ARHGEF28: variants seen among roughly 807,000 people sequenced by gnomAD.
ARHGEF28 encodes 190 kDa guanine nucleotide exchange factor.
A neutral mutation model predicts 206.6 loss-of-function variants in ARHGEF28; 152 were observed. That is an observed-to-expected ratio of 0.74 (90% CI 0.64 to 0.84). ARHGEF28 has a LOEUF of 0.84. Among genes scored for constraint, ARHGEF28 ranks in the 40% least tolerant of loss-of-function variants. The pLI, the probability that ARHGEF28 is intolerant of heterozygous loss-of-function variation, is 0.00. For synonymous variants in ARHGEF28, 763 were observed against 776.4 expected (o/e 0.98, Z 0.29); for missense variants, 2,028 against 2,073.2 (o/e 0.98, Z 0.42).
At position 73,925,643 on chromosome 5, in the gene ARHGEF28, C is replaced by T. The variant is rs148202240; in HGVS notation, c.4948+14068C>T. On this transcript the variant is annotated intron_variant, in intron 35 of 35. Transcript: ENST00000513042. Reference sequence around the variant, plus strand: ...AGTCAACCCCTCCCCTTCAAAGCAGCGACTCCTCTGCAATCCATCACCATG... The same window carrying T: ...AGTCAACCCCTCCCCTTCAAAGCAGTGACTCCTCTGCAATCCATCACCATG... Among the ~76,000 whole-genome samples the T allele has an allele frequency of 6.2e-4, 95 of 152,260 alleles. 2 individuals carry two copies. The East Asian group carries it at 0.012, about 19-fold the overall frequency.
At chr5:73,654,146 G>A (rs1745021725) in intron 1 of ARHGEF28, among the ~76,000 whole-genome samples, 1 of 152,186 alleles carries the variant, frequency 6.6e-6, no homozygotes, top group Non-Finnish European at 1.5e-5. Flanking sequence ...CACTGGGGCA[G>A]GGAGAGGGAC....
At chr5:73,787,673 C>T (rs971863512) in intron 7 of ARHGEF28, among the ~76,000 whole-genome samples, 13 of 152,126 alleles carry the variant, frequency 8.5e-5, no homozygotes, top group Admixed American at 7.9e-4. Context: ...ATGATGGTTT[C>T]CAGCTTCATC....
chr5:73,870,843 C>T (rs1236405988), intron 21 of ARHGEF28, among the ~76,000 whole-genome samples: 2 of 152,166 alleles, frequency 1.3e-5, no homozygotes, highest in African/African-American at 4.8e-5. Flanking sequence ...AAAATTTCAA[C>T]TACAAAGTAG....
chr5:73,734,589 C>A (rs60624491), intron 2 of ARHGEF28, among the ~76,000 whole-genome samples: 53,010 of 151,856 alleles, frequency 0.35, 10,772 homozygotes, highest in African/African-American at 0.57. Context: ...TTCTCTGTGC[C>A]CTCATAAGCT....
At chr5:73,800,474 T>C (rs539762395) in intron 9 of ARHGEF28, among the ~76,000 whole-genome samples, 11 of 152,268 alleles carry the variant, frequency 7.2e-5, no homozygotes, top group Non-Finnish European at 1.6e-4. Context: ...CAGCTATTCT[T>C]TAATACTTCG....
At chr5:73,776,486 C>T (rs773761681) in intron 5 of ARHGEF28, 30 bp from the exon 6 acceptor site, 1 of 1,589,300 alleles carries the variant, frequency 6.3e-7, no homozygotes, top group Admixed American at 1.7e-5. Context: ...CTTTGAAGCT[C>T]TGTGTGGGTT....
chr5:73,779,238 G>T (rs531347786), intron 6 of ARHGEF28, among the ~76,000 whole-genome samples: 4 of 152,274 alleles, frequency 2.6e-5, no homozygotes, highest in African/African-American at 7.2e-5. Context: ...TGTAAAGACA[G>T]AATATTAGGA....
Position 73,864,820 on chromosome 5 carries a change from G to A in ARHGEF28, c.2051G>A (p.Cys684Tyr), listed in dbSNP as rs2112626260. 1.9e-6 allele frequency: 3 copies of A among 1,612,476 alleles called. No homozygotes were observed. In the East Asian group the frequency reaches 6.7e-5, roughly 36 times the overall value. Residue 684 changes from cysteine to tyrosine, a missense_variant, in exon 17 of 36, where the codon TGT becomes TAT. By Grantham distance (194) the Cys-to-Tyr change is radical. Coordinates refer to ENST00000513042, the MANE Select transcript of ARHGEF28 (RefSeq NM_001177693.2). ...LGKESLQCSN[C>Y]NANVHKGCKD... Reference sequence around the variant, plus strand: ...GTATCTTTTCCCTTTATTTCAGACTGTAATGCAAATGTGCACAAAGGTTGT... The same window carrying A: ...GTATCTTTTCCCTTTATTTCAGACTATAATGCAAATGTGCACAAAGGTTGT...
intron 1 of ARHGEF28, among the ~76,000 whole-genome samples, chr5:73,657,122 G>A (rs1352967213): frequency 1.4e-5 from 2 of 145,072 alleles, no homozygotes; most frequent in Non-Finnish European, 3.0e-5. Flanking sequence ...GCAGTGAGCC[G>A]AGATTGCGCC....
intron 16 of ARHGEF28, among the ~76,000 whole-genome samples, chr5:73,863,797 G>A (rs1759541739): frequency 6.6e-6 from 1 of 151,968 alleles, no homozygotes; most frequent in South Asian, 2.1e-4. Flanking sequence ...TCTGCAATGA[G>A]GAGAGGGCTG....
At position 73,909,864 on chromosome 5, in the gene ARHGEF28, C is replaced by T; in HGVS notation, c.4614C>T (p.Ser1538=). Residue 1538 remains serine, a synonymous_variant, in exon 34 of 36, where the codon AGC becomes AGT. Transcript: ENST00000513042. The part of the protein sequence containing the change: ...LGHWKHGRQR[S]LPAVLLPGGP... Reference sequence around the variant, plus strand: ...ACTGGAAGCACGGCCGGCAGAGGAGCCTGCCCGCGGTGCTCCTTCCGGGTG... The same window carrying T: ...ACTGGAAGCACGGCCGGCAGAGGAGTCTGCCCGCGGTGCTCCTTCCGGGTG... 1.3e-6 allele frequency: 2 copies of T among 1,531,838 alleles called. No homozygotes were observed. Among genetic ancestry groups the T allele is most frequent in the South Asian group, 1.3e-5 (1 of 78,686 alleles). The allele number at this position is 1,531,838 out of a possible 1,614,324, so 94.9% of individuals were successfully genotyped here. A position where few individuals can be genotyped will look rare whatever the true frequency, so the allele number is the denominator to read the frequency against.
chr5:73,737,302 C>T (rs1751004101), intron 2 of ARHGEF28, among the ~76,000 whole-genome samples: 1 of 151,604 alleles, frequency 6.6e-6, no homozygotes, highest in Non-Finnish European at 1.5e-5. Flanking sequence ...TATTTATTTT[C>T]CATCTTTCTC....
chr5:73,771,473 G>A (rs1401904318), intron 4 of ARHGEF28, among the ~76,000 whole-genome samples: 1 of 152,010 alleles, frequency 6.6e-6, no homozygotes, highest in Admixed American at 6.5e-5. Flanking sequence ...ACTTGAAACT[G>A]GGAGGCAGAG....
chr5:73,770,739 C>G (rs569019418), intron 4 of ARHGEF28, among the ~76,000 whole-genome samples: 4 of 152,346 alleles, frequency 2.6e-5, no homozygotes, highest in African/African-American at 7.2e-5. Flanking sequence ...CTCTCTCTTA[C>G]AACATTTTGG....
rs544482081 is a variant in ARHGEF28, at chr5:73,907,897, T to TGA, written c.4162-1511_4162-1510dup. ...AATTACTGTAGCTGTAACTCTTACG[T>TGA]GAGAGTTATTGTCTGTGGTAGTTTT... On this transcript the variant is annotated intron_variant, in intron 33 of 35. Coordinates refer to ENST00000513042, the MANE Select transcript of ARHGEF28 (RefSeq NM_001177693.2). Among the ~76,000 whole-genome samples, 151 of 152,274 alleles carry TGA rather than the reference T, an allele frequency of 9.9e-4. 1 individual carries two copies. The highest frequency in any genetic ancestry group is 3.5e-3 in the African/African-American group (146 of 41,560).
chr5:73,726,220 AG>A (rs1199638230), intron 2 of ARHGEF28, among the ~76,000 whole-genome samples: 3 of 152,170 alleles, frequency 2.0e-5, no homozygotes, highest in Non-Finnish European at 4.4e-5. Context: ...AGAACAGAGT[AG>A]GGTTCAGTCT....
Position 73,857,700 on chromosome 5 carries a change from C to CA in ARHGEF28, c.1836dup (p.Glu613ArgfsTer3). The CA allele has an allele frequency of 1.2e-6, 2 of 1,606,408 alleles. No individual in the cohort carries two copies. The highest frequency in any genetic ancestry group is 8.5e-7 in the Non-Finnish European group (1 of 1,175,834). On this transcript the variant is annotated frameshift_variant, in exon 15 of 36. Coordinates refer to ENST00000513042, the MANE Select transcript of ARHGEF28 (RefSeq NM_001177693.2). LOFTEE classifies it high-confidence loss of function. Reference sequence around the variant, plus strand: ...GATAAATACATCATACCTGCCAAATCAGAGTCTGAAAAATATAAAGTGAGT... The same window carrying CA: ...GATAAATACATCATACCTGCCAAATCAAGAGTCTGAAAAATATAAAGTGAGT...
At chr5:73,794,306 C>G in intron 7 of ARHGEF28, 96 bp from the exon 8 acceptor site, 1 of 993,420 alleles carries the variant, frequency 1.0e-6, no homozygotes, top group Admixed American at 2.3e-5. Context: ...GTGCAGAAGG[C>G]TCCTGGGCAA....
intron 2 of ARHGEF28, among the ~76,000 whole-genome samples, chr5:73,698,868 C>T (rs1159676629): frequency 6.6e-6 from 1 of 151,628 alleles, no homozygotes; most frequent in African/African-American, 2.4e-5. Context: ...GAGAGGGTGC[C>T]TGCACTGGTT....
Sources: gnomAD v4.1 joint callset for allele counts (sites outside exome capture counted in the v4.1 genomes callset) on GRCh38, gnomAD v4.1.1 for gene constraint, MANE v1.5 for transcripts, NCBI Gene and HGNC (gene_info 2026-07-23, HGNC 2026-07-21) for gene names.